SNAP23: variants seen among roughly 807,000 people sequenced by gnomAD.
SNAP23 encodes synaptosome associated protein 23, also known as synaptosomal-associated protein 23.
Under a neutral mutation model 29.0 loss-of-function variants are expected in SNAP23, and 11 were observed. The observed-to-expected ratio is 0.38, with a 90% CI of 0.24 to 0.63. The LOEUF is 0.63. Ranked by LOEUF, SNAP23 falls within the 20% of genes least tolerant of loss-of-function variation. The pLI is 0.58. For missense variants in SNAP23, 220 were observed against 253.9 expected, an observed-to-expected ratio of 0.87 and a Z score of 0.91; for synonymous variants, 60 against 82.9, an observed-to-expected ratio of 0.72 and a Z score of 1.50.
intron 5 of SNAP23, among the ~76,000 whole-genome samples, chr15:42,516,478 A>G (rs1006486711): frequency 1.3e-5 from 2 of 151,818 alleles, no homozygotes; most frequent in African/African-American, 4.8e-5. Context: ...CTACAGGCGC[A>G]TGCCACCACA....
chr15:42,497,537 G>T (rs1366888448), intron 1 of SNAP23, among the ~76,000 whole-genome samples: 4 of 151,998 alleles, frequency 2.6e-5, no homozygotes, highest in African/African-American at 9.7e-5. Flanking sequence ...TAGAGACGGG[G>T]TTTCACTCTA....
chr15:42,529,327 G>T (rs911491546), intron 6 of SNAP23, among the ~76,000 whole-genome samples: 3 of 152,160 alleles, frequency 2.0e-5, no homozygotes, highest in Non-Finnish European at 4.4e-5. Flanking sequence ...TTATTAAACC[G>T]TAGGTTTCTG....
chr15:42,517,233 T>G (rs924744571), intron 5 of SNAP23, among the ~76,000 whole-genome samples: 123 of 152,318 alleles, frequency 8.1e-4, no homozygotes, highest in African/African-American at 2.8e-3. Context: ...AGTTCATATT[T>G]TAATAACTAT....
chr15:42,519,643 T>A (rs1263783161), intron 5 of SNAP23, among the ~76,000 whole-genome samples: 1 of 152,136 alleles, frequency 6.6e-6, no homozygotes, highest in Non-Finnish European at 1.5e-5. Context: ...GTGCTGGGGT[T>A]ACAGGCATGA....
At chr15:42,513,784 G>T (rs1020051128) in intron 4 of SNAP23, among the ~76,000 whole-genome samples, 2 of 150,630 alleles carry the variant, frequency 1.3e-5, no homozygotes, top group South Asian at 2.1e-4. Context: ...CTTTTTTTTT[G>T]GGGTGGGGGA....
At chr15:42,528,609 A>G (rs558571421) in intron 6 of SNAP23, among the ~76,000 whole-genome samples, 189 bp downstream of exon 6, 2 of 152,298 alleles carry the variant, frequency 1.3e-5, no homozygotes, top group Non-Finnish European at 2.9e-5. Flanking sequence ...GTTTTGAGAC[A>G]GAGTCTTGCT....
In SNAP23 at chr15:42,515,299, A is replaced by G. The variant is rs1180065352; in HGVS notation, c.211A>G (p.Lys71Glu). The change falls in exon 5 of 8, where the codon AAG (lysine) becomes GAG (glutamate). Residue 71 changes from lysine to glutamate, a missense_variant. Lys to Glu is a moderately conservative substitution (Grantham distance 56). Transcript: ENST00000249647. Reference sequence around the variant, plus strand: ...AAATAAGGACATGAGAGAGACAGAGAAGACTTTAACAGAACTCAACAAATG... The same window carrying G: ...AAATAAGGACATGAGAGAGACAGAGGAGACTTTAACAGAACTCAACAAATG... Reference protein sequence around the residue: ...QINKDMRETEKTLTELNKCCG... With the variant: ...QINKDMRETEETLTELNKCCG... 1.2e-6 allele frequency: 2 copies of G among 1,613,040 alleles called. No homozygotes were observed. Among genetic ancestry groups the G allele is most frequent in the East Asian group, 2.2e-5 (1 of 44,786 alleles).
At chr15:42,503,788 C>T (rs1035148791) in intron 1 of SNAP23, among the ~76,000 whole-genome samples, 3 of 152,074 alleles carry the variant, frequency 2.0e-5, no homozygotes, top group Non-Finnish European at 4.4e-5. Context: ...CAAATGTGAG[C>T]CACTGCGCCT....
At chr15:42,512,161 A>T (rs2057362309) in intron 2 of SNAP23, 1 of 231,750 alleles carries the variant, frequency 4.3e-6, no homozygotes, top group African/African-American at 2.2e-5. Flanking sequence ...TCTACTATGT[A>T]TTTGAGAAAT....
chr15:42,510,922 C>T (rs569640548), intron 1 of SNAP23, among the ~76,000 whole-genome samples: 120 of 152,148 alleles, frequency 7.9e-4, no homozygotes, highest in Non-Finnish European at 1.4e-3. Flanking sequence ...CCAGACATTG[C>T]CAGATTCCTG....
At chr15:42,522,454 T>C (rs1416787817) in intron 5 of SNAP23, among the ~76,000 whole-genome samples, 1 of 152,110 alleles carries the variant, frequency 6.6e-6, no homozygotes, top group Non-Finnish European at 1.5e-5. Flanking sequence ...ACTCTTAAGT[T>C]TAGATCTTTA....
intron 5 of SNAP23, among the ~76,000 whole-genome samples, chr15:42,526,345 T>C (rs1032153834): frequency 2.0e-5 from 3 of 152,150 alleles, no homozygotes; most frequent in Non-Finnish European, 4.4e-5. Flanking sequence ...AATAAATGGG[T>C]TAATTAATAA....
At chr15:42,528,500 C>G in intron 6 of SNAP23, 80 bp downstream of exon 6, 1 of 1,296,878 alleles carries the variant, frequency 7.7e-7, no homozygotes, top group Non-Finnish European at 1.1e-6. Context: ...AGTACATGAC[C>G]CCTAATAAAA....
At chr15:42,514,452 C>A (rs1442669724) in intron 4 of SNAP23, among the ~76,000 whole-genome samples, 1 of 151,934 alleles carries the variant, frequency 6.6e-6, no homozygotes, top group Non-Finnish European at 1.5e-5. Flanking sequence ...TCTGGCCAGA[C>A]ATTGTGATAT....
At position 42,504,605 on chromosome 15, in the gene SNAP23, C is replaced by T. The variant is rs1468000169; in HGVS notation, c.-14-7228C>T. Among the ~76,000 whole-genome samples the T allele has an allele frequency of 4.6e-5, 7 of 152,122 alleles. No individual in the cohort carries two copies. In the South Asian group the frequency reaches 8.3e-4, roughly 18 times the overall value. ...TAATATAATGGCTAACATTGAACAC[C>T]GGCCATGTGCAAGGCATTGTACTAA... On this transcript the variant is annotated intron_variant, in intron 1 of 7. Transcript: ENST00000249647.
intron 5 of SNAP23, among the ~76,000 whole-genome samples, chr15:42,524,123 G>A (rs1202977317): frequency 1.3e-5 from 2 of 151,612 alleles, no homozygotes; most frequent in Non-Finnish European, 2.9e-5. Flanking sequence ...GCTTTTTTTT[G>A]TTTTGTTTTA....
At chr15:42,518,334 T>G (rs2057415195) in intron 5 of SNAP23, among the ~76,000 whole-genome samples, 1 of 152,182 alleles carries the variant, frequency 6.6e-6, no homozygotes, top group Non-Finnish European at 1.5e-5. Context: ...TAGTCCTATG[T>G]GTAAGGCCTA....
At chr15:42,492,852 CCTTCAAAGGCATG>C (rs2057185083), upstream of SNAP23, 1 of 152,208 alleles carries the variant, frequency 6.6e-6, no homozygotes, top group Non-Finnish European at 1.5e-5. Flanking sequence ...ATTCTATTCT[CCTTCAAAGGCATG>C]CAATGGAGGA....
intron 1 of SNAP23, among the ~76,000 whole-genome samples, chr15:42,500,318 T>A (rs548688956): frequency 6.6e-6 from 1 of 152,178 alleles, no homozygotes; most frequent in South Asian, 2.1e-4. Flanking sequence ...TTTTATTCCA[T>A]TACTATATTT....
Sources: allele counts gnomAD v4.1 joint callset (sites outside exome capture counted in the v4.1 genomes callset), GRCh38; gene constraint gnomAD v4.1.1; transcripts MANE v1.5; gene names NCBI Gene and HGNC (gene_info 2026-07-23, HGNC 2026-07-21).